The following RAVER2 variants were observed in gnomAD, a reference collection of about 807,000 sequenced individuals.
RAVER2 encodes the protein ribonucleoprotein PTB-binding 2.
Under a neutral mutation model 78.1 loss-of-function variants are expected in RAVER2, and 46 were observed. That is an observed-to-expected ratio of 0.59 (90% CI 0.46 to 0.75). The LOEUF (loss-of-function observed/expected upper bound fraction) is 0.75, where lower values mean the gene tolerates loss of function less well. Among genes scored for constraint, RAVER2 ranks in the 30% least tolerant of loss-of-function variants. The probability of loss-of-function intolerance (pLI) is 0.00; values close to 1 mark genes in which losing one functional copy is unlikely to be tolerated. For missense variants in RAVER2, 793 were observed against 837.5 expected, an observed-to-expected ratio of 0.95 and a Z score of 0.66; for synonymous variants, 311 against 313.3, an observed-to-expected ratio of 0.99 and a Z score of 0.08.
chr1:64,781,606 G>A, intron 4 of RAVER2, 35 bp downstream of exon 4: 1 of 1,574,880 alleles, frequency 6.3e-7, no homozygotes, highest in Non-Finnish European at 8.6e-7. Context: ...TTTTTTTAGA[G>A]TATAGAAAAT....
chr1:64,796,790 C>T (rs1653108417), intron 5 of RAVER2, among the ~76,000 whole-genome samples: 2 of 152,136 alleles, frequency 1.3e-5, no homozygotes, highest in Admixed American at 1.3e-4. Flanking sequence ...TTTCTGCTTA[C>T]CTTGAACATA....
chr1:64,825,833 G>A (rs1258259305), intron 11 of RAVER2, among the ~76,000 whole-genome samples: 1 of 151,584 alleles, frequency 6.6e-6, no homozygotes, highest in African/African-American at 2.4e-5. Context: ...TTTAATAAAA[G>A]AAAATTAACT....
chr1:64,832,358 A>AAAG (rs997155889), exon 12 of RAVER2: 5 of 152,256 alleles, frequency 3.3e-5, no homozygotes, highest in Admixed American at 6.5e-5. Flanking sequence ...TTTACTTGTG[A>AAAG]AAGAAGTTTT....
At chr1:64,755,395 G>A (rs1275469321) in intron 1 of RAVER2, among the ~76,000 whole-genome samples, 5 of 152,068 alleles carry the variant, frequency 3.3e-5, no homozygotes, top group Non-Finnish European at 5.9e-5. Context: ...TTCTTTGTGT[G>A]TTTGAGACTT....
intron 3 of RAVER2, among the ~76,000 whole-genome samples, chr1:64,778,969 A>G (rs1219235750): frequency 1.4e-5 from 2 of 147,660 alleles, no homozygotes; most frequent in African/African-American, 4.9e-5. Context: ...ATAAATAAAT[A>G]TATTATTTAA....
chr1:64,811,495 G>A (rs1272732856), intron 9 of RAVER2, among the ~76,000 whole-genome samples: 9 of 152,078 alleles, frequency 5.9e-5, no homozygotes, highest in African/African-American at 1.7e-4. Context: ...AGAAAAATTC[G>A]AATTGCTTGA....
At chr1:64,763,062 C>A (rs1007992263) in intron 1 of RAVER2, among the ~76,000 whole-genome samples, 1 of 152,204 alleles carries the variant, frequency 6.6e-6, no homozygotes, top group Admixed American at 6.5e-5. Context: ...GTAATCCCAG[C>A]ACTTTGGGAG....
chr1:64,781,608 A>T (rs372098096), intron 4 of RAVER2, 37 bp downstream of exon 4: 1 of 1,572,244 alleles, frequency 6.4e-7, no homozygotes, highest in Non-Finnish European at 8.6e-7. Flanking sequence ...TTTTTAGAGT[A>T]TAGAAAATTC....
At chr1:64,771,108 C>T (rs1012023772) in intron 2 of RAVER2, among the ~76,000 whole-genome samples, 2 of 151,898 alleles carry the variant, frequency 1.3e-5, no homozygotes, top group East Asian at 3.9e-4. Context: ...CTACAGTGTA[C>T]GTTGTAATCA....
intron 10 of RAVER2, among the ~76,000 whole-genome samples, chr1:64,813,923 T>C (rs1363291639): frequency 6.6e-6 from 1 of 151,820 alleles, no homozygotes; most frequent in African/African-American, 2.4e-5. Flanking sequence ...ATACTTTAAG[T>C]TTTAGGGTTT....
intron 1 of RAVER2, among the ~76,000 whole-genome samples, chr1:64,753,523 C>CTTTTT (rs59448781): frequency 3.0e-5 from 3 of 100,912 alleles, no homozygotes; most frequent in African/African-American, 4.2e-5. Context: ...GTATAGAATT[C>CTTTTT]TTTTTTTTTT....
intron 3 of RAVER2, among the ~76,000 whole-genome samples, chr1:64,779,060 T>C (rs981713043): frequency 2.7e-5 from 4 of 150,656 alleles, no homozygotes; most frequent in African/African-American, 4.9e-5. Flanking sequence ...TTTTGAAGTA[T>C]ATATACATTG....
At chr1:64,824,506 A>G (rs1653962124) in intron 11 of RAVER2, among the ~76,000 whole-genome samples, 1 of 152,226 alleles carries the variant, frequency 6.6e-6, no homozygotes, top group African/African-American at 2.4e-5. Flanking sequence ...ATGTTTTAAA[A>G]CATAAGCCTA....
Position 64,745,482 on chromosome 1 carries a change from C to A in RAVER2, c.249+61C>A. On this transcript the variant is annotated intron_variant, in intron 1 of 11. Coordinates refer to ENST00000294428, the Ensembl canonical transcript of RAVER2. This position sits in a 1 kb window ranked among gnomAD's most constrained non-coding sequence, Gnocchi z 4.3. ...GGGCGGCGGGGCGGCGCTCCGTGTC[C>A]AGGCTGGGATCGGGGGCGCCTCAGA... The A allele has an allele frequency of 6.8e-7, 1 of 1,460,198 alleles. No homozygotes were observed. Among genetic ancestry groups the A allele is most frequent in the African/African-American group, 1.5e-5 (1 of 68,018 alleles). The allele number at this position is 1,460,198 out of a possible 1,614,324, so 90.5% of individuals were successfully genotyped here. A position where few individuals can be genotyped will look rare whatever the true frequency, so the allele number is the denominator to read the frequency against.
Position 64,745,194 on chromosome 1 carries a change from G to C in RAVER2, c.22G>C (p.Gly8Arg). 1 of 1,027,082 alleles carries C rather than the reference G, an allele frequency of 9.7e-7. No homozygotes were observed. The highest frequency in any genetic ancestry group is 4.4e-5 in the South Asian group (1 of 22,518). 63.6% of individuals were successfully genotyped at this position (1,027,082 alleles called of 1,614,324 possible). A position where few individuals can be genotyped will look rare whatever the true frequency, so the allele number is the denominator to read the frequency against. ...GAAGATGGCGGCGGCGGCGGGAGAC[G>C]GCGGCGGCGAGGGGGGCGCGGGCCT... Residue 8 changes from glycine to arginine, a missense_variant, in exon 1 of 12, where the codon GGC becomes CGC. By Grantham distance (125) the Gly-to-Arg change is moderately radical. Transcript: ENST00000294428. This position sits in a 1 kb window ranked among gnomAD's most constrained non-coding sequence, Gnocchi z 4.3.
intron 5 of RAVER2, among the ~76,000 whole-genome samples, chr1:64,795,583 T>G (rs1385327804): frequency 6.6e-6 from 1 of 152,118 alleles, no homozygotes; most frequent in Non-Finnish European, 1.5e-5. Flanking sequence ...TAGATGGTAC[T>G]GCTGTCTTAA....
At chr1:64,800,178 G>A (rs540133926) in intron 5 of RAVER2, among the ~76,000 whole-genome samples, 1 of 150,680 alleles carries the variant, frequency 6.6e-6, no homozygotes, top group African/African-American at 2.4e-5. Flanking sequence ...GTATATTCTG[G>A]ATATTAATCC....
chr1:64,815,373 A>G (rs1441118636), intron 11 of RAVER2: 1 of 152,220 alleles, frequency 6.6e-6, no homozygotes, highest in Non-Finnish European at 1.5e-5. Context: ...TACAGACACT[A>G]CTGTGCTAAC....
intron 9 of RAVER2, among the ~76,000 whole-genome samples, 180 bp from the exon 10 acceptor site, chr1:64,812,558 T>A (rs576085139): frequency 6.6e-6 from 1 of 152,174 alleles, no homozygotes; most frequent in African/African-American, 2.4e-5. Context: ...GGCTCTACAA[T>A]AGTTTTTTAA....
Sources: gnomAD v4.1 joint callset for allele counts (sites outside exome capture counted in the v4.1 genomes callset) on GRCh38, gnomAD v4.1.1 for gene constraint, Gnocchi (gnomAD v3.1) non-coding constraint, MANE v1.5 for transcripts, NCBI Gene and HGNC (gene_info 2026-07-23, HGNC 2026-07-21) for gene names.